PATJ: variants seen among roughly 807,000 people sequenced by gnomAD.
The protein encoded by PATJ is inaD-like protein.
Under a neutral mutation model 224.9 loss-of-function variants are expected in PATJ, and 190 were observed. The observed-to-expected ratio is 0.84, with a 90% CI of 0.75 to 0.95. PATJ has a LOEUF of 0.95. Ranked by LOEUF, PATJ falls within the 40% of genes least tolerant of loss-of-function variation. PATJ has a pLI of 0.00. For missense variants in PATJ, 2,121 were observed against 2,270.3 expected (o/e 0.93, Z 1.34); for synonymous variants, 769 against 820.3 (o/e 0.94, Z 1.07).
At chr1:61,825,777 T>C (rs756890371) in intron 15 of PATJ, among the ~76,000 whole-genome samples, 1 of 152,188 alleles carries the variant, frequency 6.6e-6, no homozygotes, top group Non-Finnish European at 1.5e-5. Flanking sequence ...CACTCCAAGA[T>C]AAAAACCTGA....
intron 43 of PATJ, among the ~76,000 whole-genome samples, chr1:62,155,847 G>A (rs1026265632): frequency 2.7e-5 from 4 of 149,764 alleles, no homozygotes; most frequent in African/African-American, 9.8e-5. Flanking sequence ...CACGAGGTCC[G>A]GAGATCAAGA....
intron 27 of PATJ, among the ~76,000 whole-genome samples, chr1:61,936,610 C>CA (rs1571377738): frequency 6.6e-6 from 1 of 152,190 alleles, no homozygotes; most frequent in East Asian, 1.9e-4. Context: ...CTCGCTCTGT[C>CA]ACCCAGGCTG....
intron 39 of PATJ, among the ~76,000 whole-genome samples, chr1:62,124,295 C>T (rs1394047521): frequency 6.6e-6 from 1 of 152,096 alleles, no homozygotes; most frequent in Non-Finnish European, 1.5e-5. Context: ...GTTGGCCTGG[C>T]TGGTCTCGAA....
intron 39 of PATJ, among the ~76,000 whole-genome samples, chr1:62,125,733 C>G (rs985812280): frequency 1.3e-5 from 2 of 152,068 alleles, no homozygotes; most frequent in African/African-American, 4.8e-5. Flanking sequence ...CTGCTCCTAC[C>G]TACCCTATTC....
At chr1:62,112,472 C>T (rs1663959006) in intron 34 of PATJ, among the ~76,000 whole-genome samples, 1 of 152,112 alleles carries the variant, frequency 6.6e-6, no homozygotes, top group Admixed American at 6.5e-5. Context: ...CACCACTATA[C>T]TCCAGCCTGG....
chr1:62,013,366 G>A, intron 28 of PATJ: 1 of 985,326 alleles, frequency 1.0e-6, no homozygotes, highest in Middle Eastern at 5.2e-4. Context: ...TGGAGCCCAT[G>A]TTAGTGAAAG....
intron 33 of PATJ, among the ~76,000 whole-genome samples, chr1:62,104,531 A>G (rs1165000248): frequency 6.6e-6 from 1 of 152,290 alleles, no homozygotes; most frequent in Middle Eastern, 3.4e-3. Flanking sequence ...GGCACACAAT[A>G]AGAAATGTGG....
At chr1:62,144,795 TA>T (rs1198242988) in intron 41 of PATJ, among the ~76,000 whole-genome samples, 2 of 146,304 alleles carry the variant, frequency 1.4e-5, no homozygotes, top group Middle Eastern at 3.5e-3. Context: ...TATATATATA[TA>T]ATTAGCAGAA....
chr1:61,991,433 A>T, intron 28 of PATJ: 1 of 909,138 alleles, frequency 1.1e-6, no homozygotes. Context: ...TAGACTGCTT[A>T]CTTGAAATGA....
At chr1:61,881,355 G>A (rs1668065499) in intron 21 of PATJ, among the ~76,000 whole-genome samples, 1 of 151,234 alleles carries the variant, frequency 6.6e-6, no homozygotes, top group Admixed American at 6.6e-5. Flanking sequence ...GCCTTATCCT[G>A]GGGCCTATGG....
At chr1:61,891,199 G>C (rs1431158776) in intron 22 of PATJ, among the ~76,000 whole-genome samples, 3 of 152,164 alleles carry the variant, frequency 2.0e-5, no homozygotes, top group African/African-American at 7.2e-5. Flanking sequence ...GATGGCTTCA[G>C]GTATTGGACA....
chr1:62,136,501 G>T (rs202081791), intron 41 of PATJ, among the ~76,000 whole-genome samples: 7 of 150,226 alleles, frequency 4.7e-5, no homozygotes, highest in South Asian at 2.1e-4. Context: ...GTGTGTGTGT[G>T]TTTTTCTGTA....
intron 21 of PATJ, among the ~76,000 whole-genome samples, chr1:61,879,139 C>G (rs745706335): frequency 1.3e-5 from 2 of 152,206 alleles, no homozygotes; most frequent in African/African-American, 4.8e-5. Flanking sequence ...TTCTTATAAA[C>G]ATGATAAAAA....
intron 33 of PATJ, chr1:62,100,268 A>G (rs1661982444): frequency 8.9e-6 from 6 of 671,738 alleles, no homozygotes; most frequent in South Asian, 6.7e-5. Context: ...CTATAACAGA[A>G]TATCTGAGAC....
intron 27 of PATJ, among the ~76,000 whole-genome samples, chr1:61,987,039 A>G (rs1557995991): frequency 6.6e-6 from 1 of 151,876 alleles, no homozygotes; most frequent in African/African-American, 2.4e-5. Flanking sequence ...CTCAAGTTTG[A>G]CATCTAGAAT....
chr1:62,115,446 A>G (rs888419512), intron 35 of PATJ, among the ~76,000 whole-genome samples: 3 of 152,016 alleles, frequency 2.0e-5, no homozygotes, highest in Non-Finnish European at 2.9e-5. Flanking sequence ...CAGTCTGGCA[A>G]CATAGCAAGA....
At chr1:62,002,298 G>GGGT (rs1645821829) in intron 28 of PATJ, among the ~76,000 whole-genome samples, 1 of 152,118 alleles carries the variant, frequency 6.6e-6, no homozygotes, top group Non-Finnish European at 1.5e-5. Context: ...CTTTCATGGT[G>GGGT]GGTAGTGTGG....
At chr1:61,996,530 C>T (rs67695689) in intron 28 of PATJ, among the ~76,000 whole-genome samples, 22,272 of 151,960 alleles carry the variant, frequency 0.15, 2,025 homozygotes, top group Non-Finnish European at 0.21. Context: ...TCTAGATTGG[C>T]TTTTTTAGAT....
intron 40 of PATJ, 43 bp downstream of exon 40, chr1:62,128,137 G>A: frequency 1.9e-6 from 3 of 1,612,086 alleles, no homozygotes; most frequent in Non-Finnish European, 2.5e-6. Flanking sequence ...TATGTGTTGG[G>A]GTGGGAGAGG....
Sources: gnomAD v4.1 joint callset for allele counts (sites outside exome capture counted in the v4.1 genomes callset) on GRCh38, gnomAD v4.1.1 for gene constraint, MANE v1.5 for transcripts, NCBI Gene and HGNC (gene_info 2026-07-23, HGNC 2026-07-21) for gene names.